RNASE7: variants seen among roughly 807,000 people sequenced by gnomAD.
RNASE7 encodes ribonuclease A family member 7.
For missense variants in RNASE7, 184 were observed against 191.5 expected, an observed-to-expected ratio of 0.96 and a Z score of 0.23; for synonymous variants, 80 against 77.5, an observed-to-expected ratio of 1.03 and a Z score of -0.17.
Position 21,043,553 on chromosome 14 carries a change from C to T in RNASE7, c.*90C>T. ...CCTACACCCAGAGCATTCTCTTCCC[C>T]TCATCTCTTGGGGCTGTTCCTGGTT... is the stretch of plus-strand genomic sequence containing the variant. On this transcript the variant is annotated 3_prime_UTR_variant, in exon 2 of 2. Coordinates refer to ENST00000298690, the MANE Select transcript of RNASE7 (RefSeq NM_032572.4). 1.1e-6 allele frequency: 1 copy of T among 901,226 alleles called. No homozygotes were observed. The highest frequency in any genetic ancestry group is 1.7e-6 in the Non-Finnish European group (1 of 582,584). The allele number at this position is 901,226 out of a possible 1,614,324, so 55.8% of individuals were successfully genotyped here.
Position 21,043,247 on chromosome 14 carries a change from C to A in RNASE7, c.255C>A (p.Thr85=). 2 of 1,614,192 alleles carry A rather than the reference C, an allele frequency of 1.2e-6. No homozygotes were observed. Among genetic ancestry groups the A allele is most frequent in the Non-Finnish European group, 1.7e-6 (2 of 1,180,042 alleles). The change falls in exon 2 of 2, where the codon ACC becomes ACA. Residue 85 remains threonine, a synonymous_variant. Transcript: ENST00000298690. ...CCAGTGTGGCCGCCACCTGCCAGAC[C>A]CCCAAAATAGCCTGCAAGAATGGCG... is the stretch of plus-strand genomic sequence containing the variant. ...PFSSVAATCQ[T]PKIACKNGDK... is the part of the protein sequence containing the mutation.
chr14:21,043,537 A>G lies in RNASE7; in HGVS notation c.*74A>G, dbSNP rs985927595. ...GACTCCGCACCACTCCCCTACACCC[A>G]GAGCATTCTCTTCCCCTCATCTCTT... On this transcript the variant is annotated 3_prime_UTR_variant, in exon 2 of 2. Coordinates refer to ENST00000298690, the MANE Select transcript of RNASE7 (RefSeq NM_032572.4). The G allele has an allele frequency of 2.9e-5, 29 of 1,006,644 alleles. No individual in the cohort carries two copies. The highest frequency in any genetic ancestry group is 3.7e-5 in the Non-Finnish European group (25 of 671,684). The allele number at this position is 1,006,644 out of a possible 1,614,324, so 62.4% of individuals were successfully genotyped here.
Position 21,043,614 on chromosome 14 carries a change from T to A in RNASE7, c.*151T>A. 3.2e-6 allele frequency: 2 copies of A among 632,334 alleles called. No homozygotes were observed. The highest frequency in any genetic ancestry group is 2.8e-6 in the Non-Finnish European group (1 of 353,780). 39.2% of individuals were successfully genotyped at this position (632,334 alleles called of 1,614,324 possible). A position where few individuals can be genotyped will look rare whatever the true frequency, so the allele number is the denominator to read the frequency against. On this transcript the variant is annotated 3_prime_UTR_variant, in exon 2 of 2. Transcript: ENST00000298690. ...TGGGAGGCTGAAGCTGACACTCTGG[T>A]GAGCTGAGCTCTAGAGGGATGGCTT... is the stretch of plus-strand genomic sequence containing the variant.
Position 21,043,403 on chromosome 14 carries a change from C to T in RNASE7, c.411C>T (p.Pro137=), listed in dbSNP as rs1885001799. The change falls in exon 2 of 2, where the codon CCC becomes CCT. Residue 137 remains proline, a synonymous_variant. Coordinates refer to ENST00000298690, the MANE Select transcript of RNASE7 (RefSeq NM_032572.4). ...NKSYVVACKP[P]QKKDSQQFHL... is the part of the protein sequence containing the mutation. ...CTTACGTAGTGGCCTGTAAGCCTCC[C>T]CAGAAAAAGGACTCTCAGCAATTCC... 1.2e-6 allele frequency: 2 copies of T among 1,610,846 alleles called. No individual in the cohort carries two copies. Among genetic ancestry groups the T allele is most frequent in the Non-Finnish European group, 1.7e-6 (2 of 1,179,110 alleles).
At chr14:21,042,665 G>T (rs1884955286) in intron 1 of RNASE7, among the ~76,000 whole-genome samples, 1 of 152,102 alleles carries the variant, frequency 6.6e-6, no homozygotes, top group Non-Finnish European at 1.5e-5. Flanking sequence ...GAGAGGATGA[G>T]ACACAGACAC....
chr14:21,042,763 C>T (rs1292051067), intron 1 of RNASE7, among the ~76,000 whole-genome samples, 190 bp from the exon 2 acceptor site: 1 of 151,982 alleles, frequency 6.6e-6, no homozygotes, highest in Non-Finnish European at 1.5e-5. Context: ...ATGAAGGGAA[C>T]AGAAATACAA....
chr14:21,043,139 A>G lies in RNASE7; in HGVS notation c.147A>G (p.Gln49=). Residue 49 remains glutamine, a synonymous_variant, in exon 2 of 2, where the codon CAA becomes CAG. Transcript: ENST00000298690. Reference sequence around the variant, plus strand: ...TTCAGCACATGCAGCCCAGCCCTCAAGCATGCAACTCAGCCATGAAAAACA... The same window carrying G: ...TTCAGCACATGCAGCCCAGCCCTCAGGCATGCAACTCAGCCATGAAAAACA... ...FKIQHMQPSP[Q]ACNSAMKNIN... is the part of the protein sequence containing the mutation. 1 of 1,614,172 alleles carries G rather than the reference A, an allele frequency of 6.2e-7. No homozygotes were observed. The highest frequency in any genetic ancestry group is 8.5e-7 in the Non-Finnish European group (1 of 1,180,022).
In RNASE7 at chr14:21,043,598, G is replaced by A; in HGVS notation, c.*135G>A. On this transcript the variant is annotated 3_prime_UTR_variant, in exon 2 of 2. Transcript: ENST00000298690. ...CTGGTTCAGCCTCTGCTGGGAGGCT[G>A]AAGCTGACACTCTGGTGAGCTGAGC... The A allele has an allele frequency of 1.5e-6, 1 of 661,062 alleles. No individual in the cohort carries two copies. Among genetic ancestry groups the A allele is most frequent in the Non-Finnish European group, 2.6e-6 (1 of 378,304 alleles). 40.9% of individuals were successfully genotyped at this position (661,062 alleles called of 1,614,324 possible).
rs1236253386 is a variant in RNASE7 at position 21,043,445 on chromosome 14, C to A, written c.453C>A (p.His151Gln). 7.5e-6 allele frequency: 12 copies of A among 1,596,664 alleles called. No individual in the cohort carries two copies. Among genetic ancestry groups the A allele is most frequent in the African/African-American group, 1.3e-5 (1 of 74,204 alleles). Residue 151 changes from histidine (H) to glutamine (Q), a missense_variant, in exon 2 of 2, where the codon CAC becomes CAA. Coordinates refer to ENST00000298690, the MANE Select transcript of RNASE7 (RefSeq NM_032572.4). ...DSQQFHLVPV[H>Q]LDRVL ...AGCAATTCCACCTGGTTCCTGTACA[C>A]TTGGACAGAGTCCTTTAGGTTTCCA... is the stretch of plus-strand genomic sequence containing the variant.
At position 21,043,477 on chromosome 14, in the gene RNASE7, C is replaced by T; in HGVS notation, c.*14C>T. On this transcript the variant is annotated 3_prime_UTR_variant, in exon 2 of 2. Transcript: ENST00000298690. ...AGAGTCCTTTAGGTTTCCAGACTGGCTTGCTCTTTGGCTGACCTTCAATTC... is the reference window on the plus strand; with the variant it reads ...AGAGTCCTTTAGGTTTCCAGACTGGTTTGCTCTTTGGCTGACCTTCAATTC... 3 of 1,554,420 alleles carry T rather than the reference C, an allele frequency of 1.9e-6. No individual in the cohort carries two copies. The highest frequency in any genetic ancestry group is 2.6e-6 in the Non-Finnish European group (3 of 1,149,974).
At position 21,043,563 on chromosome 14, in the gene RNASE7, G is replaced by C. The variant is rs866540772; in HGVS notation, c.*100G>C. 11 of 838,658 alleles carry C rather than the reference G, an allele frequency of 1.3e-5. 1 individual carries two copies. In the Middle Eastern group the frequency reaches 1.6e-3, roughly 125 times the overall value. 52.0% of individuals were successfully genotyped at this position (838,658 alleles called of 1,614,324 possible). On this transcript the variant is annotated 3_prime_UTR_variant, in exon 2 of 2. Coordinates refer to ENST00000298690, the MANE Select transcript of RNASE7 (RefSeq NM_032572.4). ...GAGCATTCTCTTCCCCTCATCTCTT[G>C]GGGCTGTTCCTGGTTCAGCCTCTGC... is the stretch of plus-strand genomic sequence containing the variant.
chr14:21,043,976 T>C lies in RNASE7; in HGVS notation c.*513T>C, dbSNP rs1594498652. 5.9e-6 allele frequency: 1 copy of C among 169,824 alleles called. No individual in the cohort carries two copies. The highest frequency in any genetic ancestry group is 1.9e-4 in the East Asian group (1 of 5,194). The allele number at this position is 169,824 out of a possible 1,614,324, so 10.5% of individuals were successfully genotyped here. On this transcript the variant is annotated 3_prime_UTR_variant, in exon 2 of 2. Transcript: ENST00000298690. ...AGGGATTGTATGCCTTCTTTATGGA[T>C]GAGGAAATTAAGGTTTTAGAAAGCT...
Position 21,043,452 on chromosome 14 carries a change from A to G in RNASE7, c.460A>G (p.Arg154Gly), listed in dbSNP as rs201669828. ...QFHLVPVHLD[R>G]VL is the part of the protein sequence containing the mutation. ...CCACCTGGTTCCTGTACACTTGGAC[A>G]GAGTCCTTTAGGTTTCCAGACTGGC... The change falls in exon 2 of 2, where the codon AGA becomes GGA. Residue 154 changes from arginine to glycine, a missense_variant. Transcript: ENST00000298690. 67 of 1,590,506 alleles carry G rather than the reference A, an allele frequency of 4.2e-5. No homozygotes were observed. In the African/African-American group the frequency reaches 7.8e-4, roughly 19 times the overall value.
rs1224031978 is a variant in RNASE7 at position 21,043,322 on chromosome 14, G to A, written c.330G>A (p.Lys110=). 6.2e-7 allele frequency: 1 copy of A among 1,614,148 alleles called. No individual in the cohort carries two copies. Among genetic ancestry groups the A allele is most frequent in the Non-Finnish European group, 8.5e-7 (1 of 1,180,032 alleles). Residue 110 remains lysine, a synonymous_variant, in exon 2 of 2, where the codon AAG becomes AAA. Coordinates refer to ENST00000298690, the MANE Select transcript of RNASE7 (RefSeq NM_032572.4). The part of the protein sequence containing the change: ...SHGAVSLTMC[K]LTSGKHPNCR... ...GGGCCGTGTCCCTGACCATGTGTAA[G>A]CTCACCTCAGGGAAGCATCCGAACT...
At chr14:21,042,727 A>G (rs1223106686) in intron 1 of RNASE7, among the ~76,000 whole-genome samples, 1 of 152,136 alleles carries the variant, frequency 6.6e-6, no homozygotes, top group Non-Finnish European at 1.5e-5. Flanking sequence ...GGGAGAGGAC[A>G]AAGAGTGACA....
In RNASE7 at chr14:21,043,487, G is replaced by A. The variant is rs1214511432; in HGVS notation, c.*24G>A. 5.3e-6 allele frequency: 8 copies of A among 1,515,352 alleles called. No homozygotes were observed. The highest frequency in any genetic ancestry group is 4.5e-6 in the Non-Finnish European group (5 of 1,119,254). The allele number at this position is 1,515,352 out of a possible 1,614,324, so 93.9% of individuals were successfully genotyped here. A position where few individuals can be genotyped will look rare whatever the true frequency, so the allele number is the denominator to read the frequency against. On this transcript the variant is annotated 3_prime_UTR_variant, in exon 2 of 2. Coordinates refer to ENST00000298690, the MANE Select transcript of RNASE7 (RefSeq NM_032572.4). The stretch of plus-strand genomic sequence containing the variant: ...AGGTTTCCAGACTGGCTTGCTCTTT[G>A]GCTGACCTTCAATTCCCTCTCCAGG...
At position 21,043,470 on chromosome 14, in the gene RNASE7, A is replaced by G. The variant is rs139925219; in HGVS notation, c.*7A>G. 1,229 of 1,568,284 alleles carry G rather than the reference A, an allele frequency of 7.8e-4. 7 individuals carry two copies. In the African/African-American group the frequency reaches 0.012, roughly 15 times the overall value. ...CTTGGACAGAGTCCTTTAGGTTTCC[A>G]GACTGGCTTGCTCTTTGGCTGACCT... On this transcript the variant is annotated 3_prime_UTR_variant, in exon 2 of 2. Coordinates refer to ENST00000298690, the MANE Select transcript of RNASE7 (RefSeq NM_032572.4).
rs1885015511 is a variant in RNASE7, at chr14:21,043,628, G to A, written c.*165G>A. On this transcript the variant is annotated 3_prime_UTR_variant, in exon 2 of 2. Coordinates refer to ENST00000298690, the MANE Select transcript of RNASE7 (RefSeq NM_032572.4). ...TGACACTCTGGTGAGCTGAGCTCTA[G>A]AGGGATGGCTTTTCATCTTTTTGTT... 1 of 606,876 alleles carries A rather than the reference G, an allele frequency of 1.6e-6. No homozygotes were observed. The highest frequency in any genetic ancestry group is 1.9e-5 in the African/African-American group (1 of 53,604). The allele number at this position is 606,876 out of a possible 1,614,324, so 37.6% of individuals were successfully genotyped here.
chr14:21,043,215 C>G lies in RNASE7; in HGVS notation c.223C>G (p.Pro75Ala), dbSNP rs201008752. The change falls in exon 2 of 2, where the codon CCT becomes GCT. Residue 75 changes from proline (P) to alanine (A), a missense_variant. Physicochemically the swap from Pro to Ala is conservative, Grantham distance 27. Coordinates refer to ENST00000298690, the MANE Select transcript of RNASE7 (RefSeq NM_032572.4). ...AGACCTCAACACCTTCCTGCACGAG[C>G]CTTTCTCCAGTGTGGCCGCCACCTG... ...CKDLNTFLHE[P>A]FSSVAATCQT... 6.2e-7 allele frequency: 1 copy of G among 1,614,204 alleles called. No homozygotes were observed. Among genetic ancestry groups the G allele is most frequent in the East Asian group, 2.2e-5 (1 of 44,882 alleles).
Sources: gnomAD v4.1 joint callset for allele counts (sites outside exome capture counted in the v4.1 genomes callset) on GRCh38, gnomAD v4.1.1 for gene constraint, MANE v1.5 for transcripts, NCBI Gene and HGNC (gene_info 2026-07-23, HGNC 2026-07-21) for gene names.